The following LNX1 variants were observed in gnomAD, a reference collection of about 807,000 sequenced individuals.
LNX1 encodes the protein ligand of numb-protein X 1.
A neutral mutation model predicts 68.4 loss-of-function variants in LNX1; 54 were observed. The ratio of observed to expected loss-of-function variants is 0.79; its 90% CI spans 0.63 to 0.99. The LOEUF (loss-of-function observed/expected upper bound fraction) is 0.99. Ranked by LOEUF, LNX1 falls within the 50% of genes least tolerant of loss-of-function variation. LNX1 has a pLI of 0.00. For missense variants in LNX1, 906 were observed against 926.4 expected (o/e 0.98, Z 0.29); for synonymous variants, 336 against 350.0 (o/e 0.96, Z 0.45).
chr4:53,527,919 T>A (rs1727739742), intron 2 of LNX1, among the ~76,000 whole-genome samples: 1 of 152,180 alleles, frequency 6.6e-6, no homozygotes, highest in Non-Finnish European at 1.5e-5. Flanking sequence ...CACCAGCAAT[T>A]AGGTGATGTT....
chr4:53,476,788 C>G lies in LNX1; in HGVS notation c.1857G>C (p.Trp619Cys). 4 of 1,614,138 alleles carry G rather than the reference C, an allele frequency of 2.5e-6. No individual in the cohort carries two copies. Among genetic ancestry groups the G allele is most frequent in the Non-Finnish European group, 3.4e-6 (4 of 1,180,014 alleles). ...CCAGCCACATGACCCAGGATGGGGA[C>G]CAGTCACTGGGTGGGGCCATGTTGT... ...SNHNMAPPSD[W>C]SPSWVMWLEL... is the part of the protein sequence containing the mutation. The change falls in exon 9 of 11, where the codon TGG becomes TGC. Residue 619 changes from tryptophan (W) to cysteine (C), a missense_variant. By Grantham distance (215) the Trp-to-Cys change is radical. Coordinates refer to ENST00000263925, the MANE Select transcript of LNX1 (RefSeq NM_001126328.3).
At chr4:53,565,371 C>A (rs936295489) in intron 2 of LNX1, among the ~76,000 whole-genome samples, 2 of 151,966 alleles carry the variant, frequency 1.3e-5, no homozygotes, top group Admixed American at 6.5e-5. Flanking sequence ...CTGGGAGGCA[C>A]CCTCCAGCAG....
At chr4:53,461,616 T>C (rs776400399) in intron 9 of LNX1, 23 bp from the exon 10 acceptor site, 3 of 1,563,758 alleles carry the variant, frequency 1.9e-6, no homozygotes, top group East Asian at 4.5e-5. Context: ...GTAATCAGTG[T>C]ACATGCATAT....
intron 4 of LNX1, among the ~76,000 whole-genome samples, chr4:53,505,020 T>C (rs929212637): frequency 6.6e-6 from 1 of 152,162 alleles, no homozygotes; most frequent in Non-Finnish European, 1.5e-5. Context: ...CACACGCTTT[T>C]GGAAAAATGG....
rs1579409559 is a variant in LNX1 at position 53,495,967 on chromosome 4, A to T, written c.1350+56T>A. 3 of 1,566,408 alleles carry T rather than the reference A, an allele frequency of 1.9e-6. No homozygotes were observed. The East Asian group carries it at 6.8e-5, about 35-fold the overall frequency. On this transcript the variant is annotated intron_variant, in intron 6 of 10. Coordinates refer to ENST00000263925, the MANE Select transcript of LNX1 (RefSeq NM_001126328.3). ...GGGTGCCTGGTTCAGGGGGATGTGC[A>T]TTCTTGCTCATGTCCGGGGTTTCTG...
chr4:53,521,560 T>A (rs1011901795), intron 2 of LNX1, among the ~76,000 whole-genome samples: 17 of 152,292 alleles, frequency 1.1e-4, no homozygotes, highest in African/African-American at 3.6e-4. Context: ...TATTTTTACA[T>A]GAAACAAAAA....
chr4:53,563,701 A>AT (rs1730437968), intron 2 of LNX1, among the ~76,000 whole-genome samples: 1 of 152,008 alleles, frequency 6.6e-6, no homozygotes. Flanking sequence ...CGCCTGGTTA[A>AT]TTTTTGAATT....
chr4:53,466,593 GA>G (rs1490318709), intron 9 of LNX1, among the ~76,000 whole-genome samples: 7 of 152,200 alleles, frequency 4.6e-5, no homozygotes, highest in Admixed American at 4.6e-4. Flanking sequence ...CCTAGTCAAA[GA>G]AAGGGGTGAC....
At chr4:53,469,672 C>A (rs1723002463) in intron 9 of LNX1, among the ~76,000 whole-genome samples, 1 of 152,068 alleles carries the variant, frequency 6.6e-6, no homozygotes, top group South Asian at 2.1e-4. Context: ...ACCACCAATC[C>A]CACAGAAATA....
At chr4:53,636,176 CTCCTTT>C (rs1734466240) in intron 1 of LNX1, among the ~76,000 whole-genome samples, 1 of 127,236 alleles carries the variant, frequency 7.9e-6, no homozygotes, top group African/African-American at 3.0e-5. Context: ...ACATCTATTA[CTCCTTT>C]TTTTTTTTTT....
intron 2 of LNX1, among the ~76,000 whole-genome samples, chr4:53,606,905 C>T (rs534049113): frequency 6.6e-6 from 1 of 152,298 alleles, no homozygotes; most frequent in South Asian, 2.1e-4. Flanking sequence ...TAAAATTCAA[C>T]ATCCCTTCAT....
chr4:53,506,468 T>C (rs1466419526), intron 4 of LNX1, among the ~76,000 whole-genome samples: 2 of 152,212 alleles, frequency 1.3e-5, no homozygotes, highest in Non-Finnish European at 2.9e-5. Context: ...GCATGAATTC[T>C]ACAGCCATGT....
chr4:53,470,360 G>A (rs1481757701), intron 9 of LNX1, among the ~76,000 whole-genome samples: 1 of 152,096 alleles, frequency 6.6e-6, no homozygotes, highest in Non-Finnish European at 1.5e-5. Context: ...AGAGCTATCT[G>A]TGACAAACCC....
intron 1 of LNX1, among the ~76,000 whole-genome samples, chr4:53,647,622 C>G (rs1010178546): frequency 5.3e-5 from 8 of 152,196 alleles, no homozygotes; most frequent in African/African-American, 1.7e-4. Context: ...ATACACATAA[C>G]ATGAAACTTG....
chr4:53,566,946 T>C (rs1432593618), intron 2 of LNX1, among the ~76,000 whole-genome samples: 1 of 152,320 alleles, frequency 6.6e-6, no homozygotes, highest in East Asian at 1.9e-4. Flanking sequence ...AAGAGCTAAC[T>C]ATCCTAAATA....
chr4:53,647,667 G>A (rs1018490968), intron 1 of LNX1, among the ~76,000 whole-genome samples: 6 of 152,188 alleles, frequency 3.9e-5, no homozygotes, highest in Non-Finnish European at 7.3e-5. Context: ...CAGTTCAGTA[G>A]TGTTAAGTGC....
chr4:53,621,594 AC>A (rs1489650879), upstream of LNX1, among the ~76,000 whole-genome samples: 2 of 152,262 alleles, frequency 1.3e-5, no homozygotes, highest in Admixed American at 6.5e-5. Context: ...ACTCTGTCGC[AC>A]TCATATAACT....
intron 4 of LNX1, among the ~76,000 whole-genome samples, chr4:53,506,711 C>T (rs1725897113): frequency 6.6e-6 from 1 of 151,658 alleles, no homozygotes; most frequent in African/African-American, 2.4e-5. Flanking sequence ...CAAAAAATAG[C>T]TGGTTGTGGT....
intron 1 of LNX1, among the ~76,000 whole-genome samples, chr4:53,638,511 C>A (rs1168862249): frequency 6.6e-6 from 1 of 152,146 alleles, no homozygotes; most frequent in African/African-American, 2.4e-5. Context: ...AGCTGAGGTC[C>A]AACAGTGACG....
Sources: allele counts gnomAD v4.1 joint callset (sites outside exome capture counted in the v4.1 genomes callset), GRCh38; gene constraint gnomAD v4.1.1; transcripts MANE v1.5; gene names NCBI Gene and HGNC (gene_info 2026-07-23, HGNC 2026-07-21).